FOCAD: variants seen among roughly 807,000 people sequenced by gnomAD.
FOCAD encodes focadhesin, also known as KIAA1797.
Under a neutral mutation model 225.6 loss-of-function variants are expected in FOCAD, and 198 were observed. The observed-to-expected ratio is 0.88, with a 90% CI of 0.78 to 0.99. The LOEUF is 0.99. Ranked by LOEUF, FOCAD falls within the 50% of genes least tolerant of loss-of-function variation. The probability of loss-of-function intolerance (pLI) is 0.00; values close to 1 mark genes in which losing one functional copy is unlikely to be tolerated. For synonymous variants in FOCAD, 897 were observed against 755.0 expected (o/e 1.19, Z -3.08); for missense variants, 2,713 against 2,123.6 (o/e 1.28, Z -5.46).
intron 25 of FOCAD, 23 bp downstream of exon 25, chr9:20,923,791 A>G (rs1284472165): frequency 4.5e-6 from 7 of 1,557,586 alleles, no homozygotes; most frequent in African/African-American, 2.7e-5. Context: ...GATTTAAACA[A>G]TTGGCTTTGA....
chr9:20,811,809 T>G (rs1823104377), intron 11 of FOCAD, among the ~76,000 whole-genome samples: 1 of 131,244 alleles, frequency 7.6e-6, no homozygotes. Flanking sequence ...GTTCAAAAGC[T>G]TAATCACTTA....
chr9:20,956,785 A>G (rs1254610540), intron 35 of FOCAD, among the ~76,000 whole-genome samples: 1 of 152,132 alleles, frequency 6.6e-6, no homozygotes, highest in African/African-American at 2.4e-5. Flanking sequence ...ATGACTCTAC[A>G]GCTATTATCA....
intron 18 of FOCAD, among the ~76,000 whole-genome samples, chr9:20,871,628 C>A (rs1259987484): frequency 6.7e-6 from 1 of 150,132 alleles, no homozygotes; most frequent in African/African-American, 2.5e-5. Flanking sequence ...CACCTGTTCC[C>A]AAATAACCTA....
In FOCAD at chr9:20,789,483, A is replaced by G. The variant is rs776996920; in HGVS notation, c.1330A>G (p.Ile444Val). ...GGCTTCAGTAGAGTCATTGCTTCCT[A>G]TTACTGCTGTGATCCCTGCGCCTGC... ...WLASVESLLP[I>V]TAVIPAPAFL... The change falls in exon 11 of 44, where the codon ATT becomes GTT. Residue 444 changes from isoleucine (I) to valine (V), a missense_variant. Ile to Val is a conservative substitution (Grantham distance 29). Transcript: ENST00000338382. The G allele has an allele frequency of 5.0e-6, 8 of 1,613,898 alleles. No individual in the cohort carries two copies. The highest frequency in any genetic ancestry group is 5.1e-6 in the Non-Finnish European group (6 of 1,179,974).
chr9:20,895,524 ATAT>A (rs1832001124), intron 21 of FOCAD, among the ~76,000 whole-genome samples: 1 of 151,720 alleles, frequency 6.6e-6, no homozygotes, highest in African/African-American at 2.4e-5. Context: ...TCTCCTATAG[ATAT>A]TATATACACA....
chr9:20,962,304 G>A (rs1838812565), intron 35 of FOCAD, among the ~76,000 whole-genome samples: 2 of 152,022 alleles, frequency 1.3e-5, no homozygotes, highest in South Asian at 4.1e-4. Flanking sequence ...TGGACAGGAA[G>A]AATAGCTGTG....
intron 36 of FOCAD, 29 bp downstream of exon 36, chr9:20,976,577 G>T (rs1421888443): frequency 6.2e-7 from 1 of 1,607,578 alleles, no homozygotes; most frequent in South Asian, 1.1e-5. Flanking sequence ...TAAGTCTTCA[G>T]ACTTTGATTT....
chr9:20,726,929 C>G (rs552971593), intron 4 of FOCAD, among the ~76,000 whole-genome samples: 1 of 152,178 alleles, frequency 6.6e-6, no homozygotes, highest in South Asian at 2.1e-4. Flanking sequence ...AGGAAGGATG[C>G]CTTTATGAGG....
chr9:20,846,831 G>A (rs1827162003), intron 15 of FOCAD, among the ~76,000 whole-genome samples: 1 of 152,124 alleles, frequency 6.6e-6, no homozygotes, highest in Admixed American at 6.6e-5. Context: ...GATGCCAAGA[G>A]AAGACATTTT....
chr9:20,691,673 G>A (rs1025485367), intron 1 of FOCAD, among the ~76,000 whole-genome samples: 2 of 150,900 alleles, frequency 1.3e-5, no homozygotes, highest in African/African-American at 4.9e-5. Flanking sequence ...AGTAGAGACG[G>A]GTTTCACCAT....
chr9:20,951,127 C>G (rs1184598180), intron 34 of FOCAD, 29 bp downstream of exon 34: 1 of 1,568,158 alleles, frequency 6.4e-7, no homozygotes, highest in Non-Finnish European at 8.8e-7. Flanking sequence ...AATACTGGAG[C>G]TGGAAGGGAG....
intron 1 of FOCAD, among the ~76,000 whole-genome samples, chr9:20,707,870 G>A (rs1011254037): frequency 6.6e-6 from 1 of 152,188 alleles, no homozygotes; most frequent in African/African-American, 2.4e-5. Context: ...CAAGAGCTGA[G>A]GCTAAGTGTG....
intron 21 of FOCAD, among the ~76,000 whole-genome samples, chr9:20,892,098 C>A (rs1421646453): frequency 6.6e-6 from 1 of 152,110 alleles, no homozygotes; most frequent in African/African-American, 2.4e-5. Context: ...ATATTTTAAT[C>A]CCACATTAAG....
intron 2 of FOCAD, among the ~76,000 whole-genome samples, chr9:20,661,242 A>T (rs934404176): frequency 1.3e-5 from 2 of 152,178 alleles, no homozygotes; most frequent in Non-Finnish European, 2.9e-5. Flanking sequence ...AAGACTAGTA[A>T]AAGGACTGAG....
At chr9:20,855,794 C>CT (rs369187873) in intron 15 of FOCAD, among the ~76,000 whole-genome samples, 7,120 of 131,810 alleles carry the variant, frequency 0.054, 403 homozygotes, top group African/African-American at 0.14. Flanking sequence ...CCCCTATATT[C>CT]TTTTTTTTTT....
At chr9:20,949,993 C>T (rs1837543682) in intron 33 of FOCAD, among the ~76,000 whole-genome samples, 1 of 152,078 alleles carries the variant, frequency 6.6e-6, no homozygotes, top group South Asian at 2.1e-4. Flanking sequence ...GATCAAAGGG[C>T]ATGGCAGATC....
At chr9:20,926,459 T>C in intron 26 of FOCAD, 42 bp downstream of exon 26, 1 of 1,208,348 alleles carries the variant, frequency 8.3e-7, no homozygotes, top group Non-Finnish European at 1.2e-6. Context: ...ACTCAAGAAT[T>C]GACTCTTATG....
intron 43 of FOCAD, among the ~76,000 whole-genome samples, chr9:20,994,480 G>T (rs937258344): frequency 2.0e-5 from 3 of 152,188 alleles, no homozygotes; most frequent in African/African-American, 7.2e-5. Context: ...CCTGGAGTCA[G>T]TGTATGATCC....
chr9:20,708,764 AG>A (rs1385239499), intron 1 of FOCAD, among the ~76,000 whole-genome samples: 1 of 59,064 alleles, frequency 1.7e-5, no homozygotes, highest in African/African-American at 7.0e-5. Context: ...TGACAGAGTG[AG>A]AGACCCTGTC....
Sources: gnomAD v4.1 joint callset for allele counts (sites outside exome capture counted in the v4.1 genomes callset) on GRCh38, gnomAD v4.1.1 for gene constraint, MANE v1.5 for transcripts, NCBI Gene and HGNC (gene_info 2026-07-23, HGNC 2026-07-21) for gene names.